The following TENM1 variants were observed in gnomAD, a reference collection of about 807,000 sequenced individuals.
TENM1 encodes the protein teneurin transmembrane protein 1.
Under a neutral mutation model 174.8 loss-of-function variants are expected in TENM1, and 35 were observed. The observed-to-expected ratio is 0.20, with a 90% CI of 0.15 to 0.27. The LOEUF is 0.27. Among genes scored for constraint, TENM1 ranks in the 10% least tolerant of loss-of-function variants. The pLI is 1.00. For synonymous variants in TENM1, 781 were observed against 798.7 expected, an observed-to-expected ratio of 0.98 and a Z score of 0.37; for missense variants, 1,633 against 2,130.1, an observed-to-expected ratio of 0.77 and a Z score of 4.59.
chrX:124,806,201 A>G (rs1240384087), intron 3 of TENM1, among the ~76,000 whole-genome samples: 1 of 112,420 alleles, frequency 8.9e-6, no homozygotes, highest in African/African-American at 3.2e-5. Flanking sequence ...AGAGAACATC[A>G]ACAACAGAAT....
chrX:124,895,889 A>C, intron 2 of TENM1, 92 bp downstream of exon 5: 2 of 1,053,566 alleles, frequency 1.9e-6, no homozygotes, highest in South Asian at 4.3e-5. Flanking sequence ...TATTAAATGA[A>C]AGAAGGGCAG....
At chrX:124,553,969 G>A (rs2048638836) in intron 14 of TENM1, among the ~76,000 whole-genome samples, 1 of 110,967 alleles carries the variant, frequency 9.0e-6, no homozygotes, top group Non-Finnish European at 1.9e-5. Flanking sequence ...GCTGGGGGGT[G>A]AGGGTGGCAT....
intron 3 of TENM1, among the ~76,000 whole-genome samples, chrX:124,774,429 TA>T (rs2054734334): frequency 9.0e-6 from 1 of 111,513 alleles, no homozygotes; most frequent in Non-Finnish European, 1.9e-5. Context: ...GATATGGATC[TA>T]ATAAACATTC....
At chrX:124,556,564 T>G (rs145800617) in intron 14 of TENM1, among the ~76,000 whole-genome samples, 3,953 of 111,754 alleles carry the variant, frequency 0.035, 176 homozygotes, top group African/African-American at 0.12. Context: ...CTCATTCCTC[T>G]CATTAAACAA....
At chrX:124,575,398 CA>C (rs2049145168) in intron 11 of TENM1, among the ~76,000 whole-genome samples, 3 of 111,652 alleles carry the variant, frequency 2.7e-5, no homozygotes, top group African/African-American at 9.8e-5. Context: ...TGAAGAGATT[CA>C]AAATGATACA....
At chrX:124,580,348 T>G (rs775678591) in intron 11 of TENM1, among the ~76,000 whole-genome samples, 2 of 111,263 alleles carry the variant, frequency 1.8e-5, no homozygotes, top group African/African-American at 6.5e-5. Context: ...GAATAAGCCA[T>G]GTGCTGAAAG....
chrX:125,144,404 CAG>C, the TENM1 span, among the ~76,000 whole-genome samples: 1 of 111,318 alleles, frequency 9.0e-6, no homozygotes, highest in Non-Finnish European at 1.9e-5. Flanking sequence ...TGTCTGCCTA[CAG>C]AACACTTCAC....
At chrX:124,596,039 G>A (rs1303672628) in intron 11 of TENM1, among the ~76,000 whole-genome samples, 1 of 111,878 alleles carries the variant, frequency 8.9e-6, no homozygotes, top group East Asian at 2.8e-4. Context: ...TTTCAACAAT[G>A]TTCATGGGTT....
At chrX:125,084,281 C>A in the TENM1 span, among the ~76,000 whole-genome samples, 13,692 of 109,611 alleles carry the variant, frequency 0.12, 723 homozygotes, top group Admixed American at 0.28. Flanking sequence ...TTATTGAATA[C>A]TACTATCTCC....
chrX:124,724,883 T>C (rs1358292448), intron 4 of TENM1, among the ~76,000 whole-genome samples: 1 of 111,488 alleles, frequency 9.0e-6, no homozygotes, highest in African/African-American at 3.3e-5. Flanking sequence ...GCCATGAGGG[T>C]TCTGTCTTCA....
At chrX:125,105,188 G>T in the TENM1 span, among the ~76,000 whole-genome samples, 1 of 111,590 alleles carries the variant, frequency 9.0e-6, no homozygotes, top group Non-Finnish European at 1.9e-5. Flanking sequence ...TAGAAAGGCA[G>T]CTTGATACAC....
At chrX:124,506,225 G>A (rs1419609650) in intron 18 of TENM1, among the ~76,000 whole-genome samples, 1 of 111,579 alleles carries the variant, frequency 9.0e-6, no homozygotes, top group Non-Finnish European at 1.9e-5. Context: ...TTGCAAATAA[G>A]TAGTGTGCCC....
rs1424658761 is a variant in TENM1, at chrX:124,751,789, A to G, written c.536-14592T>C. On this transcript the variant is annotated intron_variant, in intron 3 of 31. Coordinates refer to ENST00000422452, the Ensembl canonical transcript of TENM1. ...AGTTTACTGAGAATGATGATTTCCA[A>G]TTTCATCCATGTCCCTACAAAGGAC... Among the ~76,000 whole-genome samples, 4 of 107,642 alleles carry G rather than the reference A, an allele frequency of 3.7e-5. No homozygotes were observed. In the East Asian group the frequency reaches 9.0e-4, roughly 24 times the overall value. The allele number at this position is 107,642 out of a possible 115,157, so 93.5% of individuals were successfully genotyped here.
chrX:125,145,027 C>T, the TENM1 span, among the ~76,000 whole-genome samples: 4 of 111,374 alleles, frequency 3.6e-5, no homozygotes, highest in African/African-American at 1.3e-4. Flanking sequence ...GGATTACAGG[C>T]GTGAGCCACC....
the TENM1 span, among the ~76,000 whole-genome samples, chrX:125,002,272 C>T: frequency 3.2e-3 from 353 of 111,445 alleles, no homozygotes; most frequent in African/African-American, 0.011. Flanking sequence ...CCTGGTCTTT[C>T]GCTATGATTG....
intron 1 of TENM1, among the ~76,000 whole-genome samples, chrX:124,900,420 A>G (rs1191948900): frequency 8.9e-6 from 1 of 112,096 alleles, no homozygotes; most frequent in Non-Finnish European, 1.9e-5. Context: ...AAGGGACACA[A>G]AAAAACTTTG....
At chrX:124,798,669 C>G (rs985855134) in intron 3 of TENM1, among the ~76,000 whole-genome samples, 1 of 111,564 alleles carries the variant, frequency 9.0e-6, no homozygotes, top group Non-Finnish European at 1.9e-5. Flanking sequence ...GTTTCTTTTG[C>G]TGTGCAGAAG....
At chrX:124,961,159 G>A (rs2058646652) in intron 1 of TENM1, among the ~76,000 whole-genome samples, 1 of 111,615 alleles carries the variant, frequency 9.0e-6, no homozygotes, top group Non-Finnish European at 1.9e-5. Flanking sequence ...CATTTGACAT[G>A]GCAATATTTA....
chrX:124,672,769 A>G (rs1034343282), intron 5 of TENM1, among the ~76,000 whole-genome samples: 1 of 111,825 alleles, frequency 8.9e-6, no homozygotes, highest in African/African-American at 3.2e-5. Context: ...GCAGAAGACC[A>G]TGCAATGGCA....
Sources: allele counts gnomAD v4.1 joint callset (sites outside exome capture counted in the v4.1 genomes callset), GRCh38; gene constraint gnomAD v4.1.1; transcripts MANE v1.5; gene names NCBI Gene and HGNC (gene_info 2026-07-23, HGNC 2026-07-21).